The following DGCR2 variants were observed in gnomAD, a reference collection of about 807,000 sequenced individuals.
DGCR2 encodes DiGeorge syndrome critical region gene 2.
A neutral mutation model predicts 51.6 loss-of-function variants in DGCR2; 24 were observed. The observed-to-expected ratio is 0.47, with a 90% confidence interval of 0.34 to 0.65. The LOEUF (loss-of-function observed/expected upper bound fraction) is 0.65. DGCR2 is among the 30% of genes least tolerant of loss of function. The probability of loss-of-function intolerance (pLI) is 0.01; values close to 1 mark genes in which losing one functional copy is unlikely to be tolerated. For synonymous variants in DGCR2, 340 were observed against 315.4 expected, an observed-to-expected ratio of 1.08 and a Z score of -0.82; for missense variants, 765 against 772.1, an observed-to-expected ratio of 0.99 and a Z score of 0.11.
At chr22:19,084,159 G>A (rs1033976981) in intron 2 of DGCR2, among the ~76,000 whole-genome samples, 22 of 152,158 alleles carry the variant, frequency 1.4e-4, no homozygotes, top group African/African-American at 5.3e-4. Flanking sequence ...GGGAAGTGAG[G>A]AGTGTCTCTG....
intron 2 of DGCR2, among the ~76,000 whole-genome samples, chr22:19,088,053 C>G (rs951267855): frequency 6.6e-6 from 1 of 152,178 alleles, no homozygotes; most frequent in Admixed American, 6.5e-5. Flanking sequence ...GGAACCCCCC[C>G]TCAAAGAACT....
At position 19,104,050 on chromosome 22, in the gene DGCR2, A is replaced by G. The variant is rs558318500; in HGVS notation, c.80-14560T>C. Among the ~76,000 whole-genome samples the G allele has an allele frequency of 1.1e-4, 16 of 152,270 alleles. No individual in the cohort carries two copies. In the South Asian group the frequency reaches 3.3e-3, roughly 32 times the overall value. ...AAAAGAGAGAGAGAAAAAAAGAGAG[A>G]ATCCCAAGCATACATCCCATTAGCT... On this transcript the variant is annotated intron_variant, in intron 1 of 9. Transcript: ENST00000263196.
In DGCR2 at chr22:19,070,494, T is replaced by C. The variant is rs185055497; in HGVS notation, c.203-2269A>G. Among the ~76,000 whole-genome samples the C allele has an allele frequency of 2.8e-4, 43 of 151,976 alleles. No individual in the cohort carries two copies. In the East Asian group the frequency reaches 6.8e-3, roughly 24 times the overall value. ...AAGCCAAGCACAGTACCTGGTAAAATTGCTCACAGAAAGACAAGATGAACT... is the reference window on the plus strand; with the variant it reads ...AAGCCAAGCACAGTACCTGGTAAAACTGCTCACAGAAAGACAAGATGAACT... On this transcript the variant is annotated intron_variant, in intron 2 of 9. Coordinates refer to ENST00000263196, the MANE Select transcript of DGCR2 (RefSeq NM_005137.3).
chr22:19,096,889 A>C (rs915204560), intron 1 of DGCR2, among the ~76,000 whole-genome samples: 10 of 137,904 alleles, frequency 7.3e-5, no homozygotes, highest in South Asian at 4.2e-4. Context: ...TATTAAAAAA[A>C]AAAACAAAAA....
intron 2 of DGCR2, among the ~76,000 whole-genome samples, chr22:19,075,352 C>A (rs1433730662): frequency 3.3e-5 from 5 of 151,968 alleles, no homozygotes; most frequent in Admixed American, 3.3e-4. Context: ...GAGGCTGAGG[C>A]AGGACAATGG....
At chr22:19,045,705 A>G (rs2082481858) in intron 7 of DGCR2, among the ~76,000 whole-genome samples, 1 of 152,172 alleles carries the variant, frequency 6.6e-6, no homozygotes, top group Non-Finnish European at 1.5e-5. Flanking sequence ...AATTACAGGC[A>G]TGAGCCGCTG....
In DGCR2 at chr22:19,041,794, A is replaced by C. The variant is rs1170186365; in HGVS notation, c.1159+13T>G. On this transcript the variant is annotated intron_variant, in intron 8 of 9. Coordinates refer to ENST00000263196, the MANE Select transcript of DGCR2 (RefSeq NM_005137.3). ...GATGGGGACCAGGGTTGTGGCCCTC[A>C]GAGGGCACTTACAGTTTGCTCCAAT... 1 of 1,609,876 alleles carries C rather than the reference A, an allele frequency of 6.2e-7. No homozygotes were observed. Among genetic ancestry groups the C allele is most frequent in the Non-Finnish European group, 8.5e-7 (1 of 1,178,768 alleles).
rs1380040570 is a variant in DGCR2, at chr22:19,090,188, G to GA, written c.80-699dup. Among the ~76,000 whole-genome samples, 4 of 152,104 alleles carry GA rather than the reference G, an allele frequency of 2.6e-5. 1 individual carries two copies. The highest frequency in any genetic ancestry group is 4.8e-5 in the African/African-American group (2 of 41,420). Reference sequence around the variant, plus strand: ...AAAACACAGAATGAAAAAATACCAGGAAAAAATGTGCAAATCATCAGTAAG... The same window carrying GA: ...AAAACACAGAATGAAAAAATACCAGGAAAAAAATGTGCAAATCATCAGTAAG... On this transcript the variant is annotated intron_variant, in intron 1 of 9. Transcript: ENST00000263196.
chr22:19,066,832 A>C (rs2082755159), intron 3 of DGCR2, among the ~76,000 whole-genome samples: 2 of 152,326 alleles, frequency 1.3e-5, no homozygotes, highest in African/African-American at 4.8e-5. Context: ...CAGACAGGCA[A>C]GGGGAAGGAA....
rs1381320173 is a variant in DGCR2 at position 19,037,966 on chromosome 22, G to A, written c.*899C>T. ...TGAAGCAACCCTTTATGGCACAAATGGGGCCGGGGGCAGGCCCAGGGGCAA... is the reference window on the plus strand; with the variant it reads ...TGAAGCAACCCTTTATGGCACAAATAGGGCCGGGGGCAGGCCCAGGGGCAA... On this transcript the variant is annotated 3_prime_UTR_variant, in exon 10 of 10. Coordinates refer to ENST00000263196, the MANE Select transcript of DGCR2 (RefSeq NM_005137.3). 1.3e-5 allele frequency: 2 copies of A among 153,018 alleles called. No individual in the cohort carries two copies. Among genetic ancestry groups the A allele is most frequent in the African/African-American group, 2.4e-5 (1 of 41,484 alleles). 9.5% of individuals were successfully genotyped at this position (153,018 alleles called of 1,614,324 possible).
chr22:19,074,840 A>G (rs1557847), intron 2 of DGCR2, among the ~76,000 whole-genome samples: 62,516 of 152,082 alleles, frequency 0.41, 13,310 homozygotes, highest in African/African-American at 0.53. Flanking sequence ...CCGCTGAGGC[A>G]TCTACTGCTC....
intron 6 of DGCR2, among the ~76,000 whole-genome samples, chr22:19,054,506 T>C (rs1444555584): frequency 2.0e-5 from 3 of 152,158 alleles, no homozygotes; most frequent in Non-Finnish European, 2.9e-5. Context: ...CAAAGACAAG[T>C]TTATCTCCAA....
intron 6 of DGCR2, among the ~76,000 whole-genome samples, chr22:19,054,144 T>G (rs199545129): frequency 1.3e-5 from 2 of 152,250 alleles, no homozygotes; most frequent in East Asian, 3.8e-4. Context: ...TGTATGGTAC[T>G]GTATCCATGC....
At chr22:19,107,017 T>G (rs906968581) in intron 1 of DGCR2, among the ~76,000 whole-genome samples, 4 of 152,122 alleles carry the variant, frequency 2.6e-5, no homozygotes, top group African/African-American at 9.7e-5. Context: ...TTTTTTTCCC[T>G]ACCAGTGGCC....
Position 19,038,829 on chromosome 22 carries a change from G to C in DGCR2, c.*36C>G, listed in dbSNP as rs755436064. 6.3e-7 allele frequency: 1 copy of C among 1,596,138 alleles called. No homozygotes were observed. On this transcript the variant is annotated 3_prime_UTR_variant, in exon 10 of 10. Transcript: ENST00000263196. ...GGACCGGTGTTTTCTACAACAGACAGGTGCTCCCAGACCGTTGGGGTACAG... is the reference window on the plus strand; with the variant it reads ...GGACCGGTGTTTTCTACAACAGACACGTGCTCCCAGACCGTTGGGGTACAG...
intron 5 of DGCR2, among the ~76,000 whole-genome samples, chr22:19,060,246 C>G (rs1005260234): frequency 2.0e-5 from 3 of 152,248 alleles, no homozygotes; most frequent in Non-Finnish European, 4.4e-5. Flanking sequence ...GTCCCACAGG[C>G]TGGCCCAGGA....
intron 1 of DGCR2, among the ~76,000 whole-genome samples, chr22:19,109,712 A>G (rs1422834713): frequency 1.3e-5 from 2 of 152,230 alleles, no homozygotes. Context: ...AACAAGGTAC[A>G]TACTCTGGCA....
rs529424046 is a variant in DGCR2, at chr22:19,113,062, G to A, written c.79+9066C>T. ...GAGAAAGCAAGCAAGAACCTGGAAC[G>A]CTGGATTAGAACTAAAGAAACAGTA... is the stretch of plus-strand genomic sequence containing the variant. On this transcript the variant is annotated intron_variant, in intron 1 of 9. Transcript: ENST00000263196. Among the ~76,000 whole-genome samples the A allele has an allele frequency of 1.2e-4, 12 of 103,942 alleles. 1 individual carries two copies. Among genetic ancestry groups the A allele is most frequent in the Non-Finnish European group, 2.0e-4 (9 of 44,670 alleles). 68.2% of individuals were successfully genotyped at this position (103,942 alleles called of 152,430 possible).
chr22:19,089,297 C>CT, intron 2 of DGCR2, 71 bp downstream of exon 2: 1 of 1,481,758 alleles, frequency 6.7e-7, no homozygotes, highest in Non-Finnish European at 9.1e-7. Flanking sequence ...CCACCCCTCA[C>CT]AAGAGGCACA....
Sources: allele counts gnomAD v4.1 joint callset (sites outside exome capture counted in the v4.1 genomes callset), GRCh38; gene constraint gnomAD v4.1.1; transcripts MANE v1.5; gene names NCBI Gene and HGNC (gene_info 2026-07-23, HGNC 2026-07-21).